KIF26B: variants seen among roughly 807,000 people sequenced by gnomAD.
KIF26B encodes kinesin family member 26B.
A neutral mutation model predicts 151.2 loss-of-function variants in KIF26B; 63 were observed. That is an observed-to-expected ratio of 0.42 (90% CI 0.34 to 0.51). The LOEUF is 0.51. Ranked by LOEUF, KIF26B falls within the 20% of genes least tolerant of loss-of-function variation. KIF26B has a pLI of 0.07. For missense variants in KIF26B, 2,813 were observed against 2,913.6 expected, an observed-to-expected ratio of 0.97 and a Z score of 0.79; for synonymous variants, 1,357 against 1,262.1, an observed-to-expected ratio of 1.08 and a Z score of -1.59.
At position 245,341,320 on chromosome 1, in the gene KIF26B, T is replaced by G. The variant is rs1413307586; in HGVS notation, c.466-25514T>G. ...AAGATGCAGTTTTTTTTTTTTTTTTTTTTTTTTTTTTTTTTTTTGAGACAC... is the reference window on the plus strand; with the variant it reads ...AAGATGCAGTTTTTTTTTTTTTTTTGTTTTTTTTTTTTTTTTTTGAGACAC... On this transcript the variant is annotated intron_variant, in intron 2 of 14. Transcript: ENST00000407071. Among the ~76,000 whole-genome samples the G allele has an allele frequency of 2.3e-4, 17 of 75,368 alleles. No homozygotes were observed. The East Asian group carries it at 3.6e-3, about 16-fold the overall frequency. The allele number at this position is 75,368 out of a possible 152,430, so 49.4% of individuals were successfully genotyped here. A position where few individuals can be genotyped will look rare whatever the true frequency, so the allele number is the denominator to read the frequency against.
At chr1:245,455,367 G>A (rs189012967) in intron 4 of KIF26B, among the ~76,000 whole-genome samples, 147 of 152,214 alleles carry the variant, frequency 9.7e-4, no homozygotes, top group African/African-American at 2.9e-3. Flanking sequence ...AGCTGGGGAT[G>A]GTTACACGTG....
At chr1:245,567,649 C>G (rs1183048047) in intron 5 of KIF26B, among the ~76,000 whole-genome samples, 2 of 152,312 alleles carry the variant, frequency 1.3e-5, no homozygotes, top group Admixed American at 1.3e-4. Context: ...TGCTGCTCCC[C>G]CAGTGGCCCA....
chr1:245,283,269 T>A, intron 2 of KIF26B, among the ~76,000 whole-genome samples: 1 of 151,140 alleles, frequency 6.6e-6, no homozygotes. Context: ...GCGAGCCCAA[T>A]CTGCCTAAGC....
intron 2 of KIF26B, among the ~76,000 whole-genome samples, chr1:245,274,830 G>T (rs890193324): frequency 6.6e-6 from 1 of 151,860 alleles, no homozygotes; most frequent in African/African-American, 2.4e-5. Flanking sequence ...GATCCTTTGG[G>T]TATATACCCA....
intron 4 of KIF26B, among the ~76,000 whole-genome samples, chr1:245,465,156 T>G (rs1204693885): frequency 1.3e-5 from 2 of 152,078 alleles, no homozygotes; most frequent in Non-Finnish European, 2.9e-5. Flanking sequence ...TTTTTTGTAT[T>G]TTTAGTAGAG....
At chr1:245,345,726 G>A (rs1417777026) in intron 2 of KIF26B, among the ~76,000 whole-genome samples, 1 of 151,948 alleles carries the variant, frequency 6.6e-6, no homozygotes, top group Admixed American at 6.6e-5. Flanking sequence ...AGTGTGTGGC[G>A]CCTCCTTCCT....
chr1:245,295,326 G>C (rs1255870066), intron 2 of KIF26B, among the ~76,000 whole-genome samples: 1 of 152,138 alleles, frequency 6.6e-6, no homozygotes, highest in Non-Finnish European at 1.5e-5. Context: ...AAATGGAACC[G>C]GTTGACTGCT....
In KIF26B at chr1:245,599,240, G is replaced by T. The variant is rs550963140; in HGVS notation, c.1351-3337G>T. On this transcript the variant is annotated intron_variant, in intron 5 of 14. Coordinates refer to ENST00000407071, the MANE Select transcript of KIF26B (RefSeq NM_018012.4). ...CTAAAGGAATAATGATACAAAGGAGGTGAAGCAGAAAAACTTAATTTCCTT... is the reference window on the plus strand; with the variant it reads ...CTAAAGGAATAATGATACAAAGGAGTTGAAGCAGAAAAACTTAATTTCCTT... Among the ~76,000 whole-genome samples the T allele has an allele frequency of 4.7e-4, 71 of 152,306 alleles. 1 individual carries two copies. In the South Asian group the frequency reaches 0.013, roughly 28 times the overall value.
intron 2 of KIF26B, among the ~76,000 whole-genome samples, chr1:245,251,866 G>A (rs999588664): frequency 2.0e-5 from 3 of 151,908 alleles, no homozygotes; most frequent in Non-Finnish European, 4.4e-5. Context: ...GTCAAGTTCT[G>A]CCAAAAATAT....
chr1:245,304,543 G>C (rs1671500177), intron 2 of KIF26B, among the ~76,000 whole-genome samples: 1 of 152,108 alleles, frequency 6.6e-6, no homozygotes, highest in Admixed American at 6.5e-5. Context: ...GGTATCTCTG[G>C]GAAGTTGCTT....
intron 3 of KIF26B, among the ~76,000 whole-genome samples, chr1:245,392,514 T>G (rs1673724711): frequency 6.6e-6 from 1 of 152,240 alleles, no homozygotes; most frequent in African/African-American, 2.4e-5. Flanking sequence ...AGTTCTAGGT[T>G]AGATGTCATT....
chr1:245,308,407 G>A (rs916815544), intron 2 of KIF26B, among the ~76,000 whole-genome samples: 1 of 152,186 alleles, frequency 6.6e-6, no homozygotes, highest in African/African-American at 2.4e-5. Flanking sequence ...GTGGAGAGAG[G>A]AAGATTAAAT....
intron 3 of KIF26B, among the ~76,000 whole-genome samples, chr1:245,408,921 G>A (rs775379772): frequency 7.2e-5 from 11 of 152,176 alleles, no homozygotes; most frequent in Non-Finnish European, 1.3e-4. Context: ...TACAAATAAA[G>A]CTCTCAGAAC....
chr1:245,646,016 T>C (rs1054702401), intron 9 of KIF26B, 105 bp from the exon 10 acceptor site: 6 of 1,235,652 alleles, frequency 4.9e-6, no homozygotes, highest in Admixed American at 2.4e-5. Context: ...AACCTTTTAC[T>C]TCCCCTTCTC....
At chr1:245,487,447 G>A (rs994929369) in intron 4 of KIF26B, among the ~76,000 whole-genome samples, 13 of 152,184 alleles carry the variant, frequency 8.5e-5, no homozygotes, top group East Asian at 3.9e-4. Context: ...CTGGAAAAGT[G>A]CAAGACCTTC....
At chr1:245,246,918 CACACAG>C (rs1311520280) in intron 2 of KIF26B, among the ~76,000 whole-genome samples, 20 of 150,638 alleles carry the variant, frequency 1.3e-4, no homozygotes, top group Non-Finnish European at 2.4e-4. Context: ...GACACAGACA[CACACAG>C]ACACAGACAC....
chr1:245,682,661 C>A (rs1322808266), intron 10 of KIF26B, among the ~76,000 whole-genome samples: 1 of 109,748 alleles, frequency 9.1e-6, no homozygotes, highest in African/African-American at 3.9e-5. Flanking sequence ...TATATGATCA[C>A]AACCTAACTG....
At chr1:245,243,743 C>T (rs552663749) in intron 2 of KIF26B, among the ~76,000 whole-genome samples, 6 of 152,012 alleles carry the variant, frequency 3.9e-5, no homozygotes, top group South Asian at 4.2e-4. Context: ...CCCAGTTACT[C>T]GGGAGGCTGA....
intron 4 of KIF26B, among the ~76,000 whole-genome samples, chr1:245,497,153 CAAA>C (rs35741176): frequency 3.4e-4 from 34 of 101,096 alleles, no homozygotes; most frequent in African/African-American, 1.1e-3. Context: ...AACTCCATCT[CAAA>C]AAAAAAAAAA....
Sources: allele counts gnomAD v4.1 joint callset (sites outside exome capture counted in the v4.1 genomes callset), GRCh38; gene constraint gnomAD v4.1.1; transcripts MANE v1.5; gene names NCBI Gene and HGNC (gene_info 2026-07-23, HGNC 2026-07-21).